CABIN1: variants seen among roughly 807,000 people sequenced by gnomAD.
CABIN1 encodes the protein calcineurin-binding protein cabin-1.
In CABIN1, 133 loss-of-function variants were observed where a neutral mutation model predicts 227.7. The observed-to-expected ratio is 0.58, with a 90% CI of 0.51 to 0.67. The LOEUF is 0.67. Ranked by LOEUF, CABIN1 falls within the 30% of genes least tolerant of loss-of-function variation. The pLI, the probability that CABIN1 is intolerant of heterozygous loss-of-function variation, is 0.00. For synonymous variants in CABIN1, 1,086 were observed against 1,155.1 expected, an observed-to-expected ratio of 0.94 and a Z score of 1.21; for missense variants, 2,408 against 2,852.5, an observed-to-expected ratio of 0.84 and a Z score of 3.55.
intron 29 of CABIN1, among the ~76,000 whole-genome samples, chr22:24,149,494 G>A (rs1219920047): frequency 6.6e-6 from 1 of 152,236 alleles, no homozygotes; most frequent in Non-Finnish European, 1.5e-5. Context: ...TAGGCTCACT[G>A]AGGTCAGTGG....
chr22:24,081,434 A>G (rs908037845), intron 19 of CABIN1, among the ~76,000 whole-genome samples: 12 of 152,212 alleles, frequency 7.9e-5, no homozygotes, highest in Non-Finnish European at 1.5e-5. Context: ...GTTTCTGCTT[A>G]TGCTTTAAAA....
chr22:24,064,512 G>GTTTTTTTTTTTTTTTTTTTTTTTTT (rs782268156), intron 15 of CABIN1, among the ~76,000 whole-genome samples: 1 of 106,900 alleles, frequency 9.4e-6, no homozygotes, highest in Non-Finnish European at 1.8e-5. Context: ...CAGCTGAAAG[G>GTTTTTTTTTTTTTTTTTTTTTTTTT]TTTTTTTTTT....
At chr22:24,135,375 G>A (rs1197862795) in intron 29 of CABIN1, among the ~76,000 whole-genome samples, 1 of 152,122 alleles carries the variant, frequency 6.6e-6, no homozygotes, top group Non-Finnish European at 1.5e-5. Context: ...GGGAGACAGA[G>A]TGAGACTCCC....
At chr22:24,032,815 G>T (rs532180273) in intron 1 of CABIN1, among the ~76,000 whole-genome samples, 7 of 152,256 alleles carry the variant, frequency 4.6e-5, no homozygotes, top group African/African-American at 1.7e-4. Flanking sequence ...GTAATTCCAT[G>T]CCTGTAATCC....
intron 26 of CABIN1, among the ~76,000 whole-genome samples, chr22:24,111,436 G>C (rs1438368507): frequency 2.0e-5 from 3 of 152,116 alleles, no homozygotes; most frequent in Non-Finnish European, 4.4e-5. Flanking sequence ...GATTCTTATA[G>C]GAGCGTGAAC....
intron 31 of CABIN1, among the ~76,000 whole-genome samples, chr22:24,166,008 CCTT>C (rs1180314673): frequency 1.5e-4 from 23 of 152,212 alleles, no homozygotes; most frequent in Non-Finnish European, 2.9e-4. Context: ...AGCAGTACCT[CCTT>C]CTCACAGCTG....
chr22:24,173,564 G>A (rs866943587), intron 34 of CABIN1, among the ~76,000 whole-genome samples: 2 of 152,208 alleles, frequency 1.3e-5, no homozygotes, highest in Non-Finnish European at 2.9e-5. Context: ...GGCCAGGCGC[G>A]GTGGCTCACG....
At position 24,177,555 on chromosome 22, in the gene CABIN1, C is replaced by T. The variant is rs754379961; in HGVS notation, c.6257C>T (p.Ala2086Val). ...AGGGATGGGGAGGCTCAGGAGGCTG[C>T]GAGTGAGACTCAGCCCCTGAGCTCT... ...PRRDGEAQEA[A>V]SETQPLSSPP... The change falls in exon 36 of 37, where the codon GCG (alanine) becomes GTG (valine). Residue 2086 changes from alanine to valine, a missense_variant. This residue lies in a region of CABIN1 where 714 missense variants were observed against 773.8 expected (regional missense o/e 0.92). Transcript: ENST00000263119. This position sits in a 1 kb window ranked among gnomAD's most constrained non-coding sequence, Gnocchi z 4.4. The T allele has an allele frequency of 4.3e-5, 68 of 1,579,674 alleles. 2 individuals carry two copies. The South Asian group carries it at 4.9e-4, about 11-fold the overall frequency.
chr22:24,136,328 GTTTACCTAGC>G (rs2044392165), intron 29 of CABIN1, among the ~76,000 whole-genome samples: 1 of 143,816 alleles, frequency 7.0e-6, no homozygotes, highest in Admixed American at 7.0e-5. Flanking sequence ...ATGTCCCACA[GTTTACCTAGC>G]CATCCCTCCT....
chr22:24,047,743 C>A (rs558765011), intron 6 of CABIN1, among the ~76,000 whole-genome samples: 1 of 152,364 alleles, frequency 6.6e-6, no homozygotes, highest in South Asian at 2.1e-4. Flanking sequence ...TCTACTTCTG[C>A]TCTGGTTTTC....
In CABIN1 at chr22:24,119,682, A is replaced by G. The variant is rs758097774; in HGVS notation, c.4616A>G (p.Tyr1539Cys). The G allele has an allele frequency of 5.6e-6, 9 of 1,613,814 alleles. No individual in the cohort carries two copies. In the Admixed American group the frequency reaches 1.0e-4, roughly 18 times the overall value. The change falls in exon 28 of 37, where the codon TAC (tyrosine) becomes TGC (cysteine). Residue 1539 changes from tyrosine to cysteine, a missense_variant. Around this residue, in one of 3 missense-constraint regions of CABIN1, gnomAD observed 649 missense variants for 910.3 expected, o/e 0.71. Coordinates refer to ENST00000263119, the MANE Select transcript of CABIN1 (RefSeq NM_012295.4). ...SLYRLAFLYT[Y>C]SKTHRNLQWA... Reference sequence around the variant, plus strand: ...TACCGTCTGGCCTTCCTCTACACCTACAGCAAGACCCACCGGGTGAGTGGC... The same window carrying G: ...TACCGTCTGGCCTTCCTCTACACCTGCAGCAAGACCCACCGGGTGAGTGGC...
chr22:24,082,391 G>A (rs151239271), intron 19 of CABIN1, among the ~76,000 whole-genome samples: 244 of 152,254 alleles, frequency 1.6e-3, no homozygotes, highest in Non-Finnish European at 2.3e-3. Flanking sequence ...CATCCAGCCA[G>A]TATTCACTTT....
At chr22:24,038,161 T>C (rs531482528) in intron 3 of CABIN1, among the ~76,000 whole-genome samples, 187 bp from the exon 4 acceptor site, 8 of 152,292 alleles carry the variant, frequency 5.3e-5, no homozygotes, top group South Asian at 4.1e-4. Flanking sequence ...GATTAAATCA[T>C]TGGTGATCAG....
At chr22:24,070,768 C>T (rs747179906) in intron 16 of CABIN1, 32 bp from the exon 17 acceptor site, 13 of 1,613,804 alleles carry the variant, frequency 8.1e-6, no homozygotes, top group Admixed American at 5.0e-5. Context: ...CTGAGCTCAC[C>T]GTGCACTTCA....
Position 24,167,108 on chromosome 22 carries a change from C to T in CABIN1, c.5477C>T (p.Thr1826Ile), listed in dbSNP as rs1436259954. Residue 1826 changes from threonine to isoleucine, a missense_variant, in exon 32 of 37, where the codon ACC becomes ATC. By Grantham distance (89) the Thr-to-Ile change is moderately conservative. Coordinates refer to ENST00000263119, the MANE Select transcript of CABIN1 (RefSeq NM_012295.4). ...AQPAPAPAPA[T>I]TTGTRAGGHP... ...CCAGCCCCCGCCCCCGCCCCCGCCA[C>T]CACCACAGGGACCAGGGCAGGGGGC... The T allele has an allele frequency of 2.6e-6, 4 of 1,558,566 alleles. No individual in the cohort carries two copies. In the East Asian group the frequency reaches 9.4e-5, roughly 37 times the overall value.
chr22:24,022,358 T>C (rs886726210), intron 1 of CABIN1, among the ~76,000 whole-genome samples: 6 of 152,220 alleles, frequency 3.9e-5, no homozygotes, highest in Non-Finnish European at 7.3e-5. Context: ...AATAGAAATA[T>C]AATAGTGTAC....
intron 32 of CABIN1, among the ~76,000 whole-genome samples, chr22:24,167,635 C>T (rs1402440484): frequency 6.6e-6 from 1 of 152,216 alleles, no homozygotes; most frequent in Non-Finnish European, 1.5e-5. Flanking sequence ...CTAAAGATGG[C>T]TGCAGTGACC....
At chr22:24,051,291 C>G (rs573571986) in intron 8 of CABIN1, among the ~76,000 whole-genome samples, 1 of 152,242 alleles carries the variant, frequency 6.6e-6, no homozygotes, top group South Asian at 2.1e-4. Flanking sequence ...TAACATTTGC[C>G]AAGCACTTGC....
At chr22:24,103,842 T>C (rs1456305583) in intron 26 of CABIN1, among the ~76,000 whole-genome samples, 1 of 152,116 alleles carries the variant, frequency 6.6e-6, no homozygotes, top group Non-Finnish European at 1.5e-5. Context: ...TGATTCCTGC[T>C]CCCAGGTTGG....
Sources: allele counts gnomAD v4.1 joint callset (sites outside exome capture counted in the v4.1 genomes callset), GRCh38; gene constraint gnomAD v4.1.1; regional missense constraint gnomAD v4.1.1; non-coding constraint Gnocchi (gnomAD v3.1); transcripts MANE v1.5; gene names NCBI Gene and HGNC (gene_info 2026-07-23, HGNC 2026-07-21).